Variants in DYRK1A observed in about 807,000 individuals in gnomAD.
The protein encoded by DYRK1A is dual specificity tyrosine-phosphorylation-regulated kinase 1A.
Under a neutral mutation model 79.7 loss-of-function variants are expected in DYRK1A, and 9 were observed. That is an observed-to-expected ratio of 0.11 (90% CI 0.07 to 0.20). The LOEUF is 0.20. DYRK1A is among the 10% of genes least tolerant of loss of function. The pLI is 1.00. For missense variants in DYRK1A, 622 were observed against 956.0 expected, an observed-to-expected ratio of 0.65 and a Z score of 4.61; for synonymous variants, 349 against 329.7, an observed-to-expected ratio of 1.06 and a Z score of -0.63.
chr21:37,440,057 G>C (rs1211179013), intron 2 of DYRK1A, among the ~76,000 whole-genome samples: 1 of 139,346 alleles, frequency 7.2e-6, no homozygotes, highest in Non-Finnish European at 1.6e-5. Flanking sequence ...ATTGATTTCT[G>C]TTTTTCTGTT....
rs1265719325 is a variant in DYRK1A, at chr21:37,505,601, T to TGCGGTTA, written c.1519+14_1519+20dup. The TGCGGTTA allele has an allele frequency of 1.9e-6, 3 of 1,577,484 alleles. No individual in the cohort carries two copies. The highest frequency in any genetic ancestry group is 2.6e-6 in the Non-Finnish European group (3 of 1,165,738). ...ATCGTCAAGCTCAGGTCTGTGCTGC[T>TGCGGTTA]GCGGTTAGATTAGGCTTGGGAATGT... On this transcript the variant is annotated intron_variant, in intron 10 of 11. Coordinates refer to ENST00000647188, the MANE Select transcript of DYRK1A (RefSeq NM_001347721.2).
chr21:37,486,886 G>T (rs117069971), intron 6 of DYRK1A: 1 of 246,284 alleles, frequency 4.1e-6, no homozygotes, highest in Non-Finnish European at 7.7e-6. Flanking sequence ...GGTACCATTT[G>T]TTTGCTAATA....
intron 1 of DYRK1A, among the ~76,000 whole-genome samples, chr21:37,390,797 T>C (rs1000528298): frequency 6.6e-6 from 1 of 152,154 alleles, no homozygotes; most frequent in East Asian, 1.9e-4. Flanking sequence ...TTCGAACTCC[T>C]GAGCTCAGGC....
intron 2 of DYRK1A, among the ~76,000 whole-genome samples, chr21:37,451,894 A>T (rs2051464864): frequency 6.6e-6 from 1 of 152,082 alleles, no homozygotes; most frequent in African/African-American, 2.4e-5. Flanking sequence ...TGAGTTGAAG[A>T]CTTCTAGGAG....
intron 1 of DYRK1A, among the ~76,000 whole-genome samples, chr21:37,410,362 A>G (rs2050221082): frequency 6.6e-6 from 1 of 152,214 alleles, no homozygotes; most frequent in South Asian, 2.1e-4. Context: ...GTATAGAGGA[A>G]TTTAGGAGAT....
chr21:37,374,714 G>A (rs1227904202), intron 1 of DYRK1A, among the ~76,000 whole-genome samples: 1 of 152,004 alleles, frequency 6.6e-6, no homozygotes, highest in Admixed American at 6.6e-5. Flanking sequence ...CACCACGCCT[G>A]GCTAATTTTT....
intron 1 of DYRK1A, among the ~76,000 whole-genome samples, chr21:37,387,724 G>T (rs2049788027): frequency 6.6e-6 from 1 of 152,138 alleles, no homozygotes. Context: ...AATACTTCCT[G>T]AGAAAAGGGT....
At chr21:37,414,383 A>G (rs950851158) in intron 1 of DYRK1A, among the ~76,000 whole-genome samples, 1 of 151,916 alleles carries the variant, frequency 6.6e-6, no homozygotes, top group Non-Finnish European at 1.5e-5. Context: ...GTTTCACTTC[A>G]CCTCTCTGTG....
At chr21:37,365,855 G>A (rs535252942), upstream of DYRK1A, 3 of 152,602 alleles carry the variant, frequency 2.0e-5, no homozygotes, top group East Asian at 1.9e-4. Flanking sequence ...GTTGGAAGCA[G>A]ATGGGCAGGC....
rs554674676 is a variant in DYRK1A, at chr21:37,521,174, A to G, written c.*8643A>G. On this transcript the variant is annotated 3_prime_UTR_variant, in exon 12 of 12. Transcript: ENST00000647188. ...CTCCCCAGCTCGGTTTTGTTTGCGT[A>G]TTAGAGTTCTGACCATCTTCACTAG... is the stretch of plus-strand genomic sequence containing the variant. The G allele has an allele frequency of 2.0e-5, 3 of 152,334 alleles. No individual in the cohort carries two copies. The East Asian group carries it at 5.8e-4, about 29-fold the overall frequency. The allele number at this position is 152,334 out of a possible 1,614,324, so 9.4% of individuals were successfully genotyped here.
At position 37,476,159 on chromosome 21, in the gene DYRK1A, G is replaced by A. The variant is rs193237798; in HGVS notation, c.208-2049G>A. 2.6e-4 allele frequency among the ~76,000 whole-genome samples: 40 copies of A among 152,194 alleles called. No individual in the cohort carries two copies. In the East Asian group the frequency reaches 5.8e-3, roughly 22 times the overall value. Reference sequence around the variant, plus strand: ...AGTAGCTGCACTACGATAATATTTCGGACCACCCGGATGGTGATTTTCCTG... The same window carrying A: ...AGTAGCTGCACTACGATAATATTTCAGACCACCCGGATGGTGATTTTCCTG... On this transcript the variant is annotated intron_variant, in intron 3 of 11. Coordinates refer to ENST00000647188, the MANE Select transcript of DYRK1A (RefSeq NM_001347721.2).
chr21:37,447,805 C>G (rs1248159614), intron 2 of DYRK1A, among the ~76,000 whole-genome samples: 1 of 152,094 alleles, frequency 6.6e-6, no homozygotes, highest in Non-Finnish European at 1.5e-5. Flanking sequence ...GATCACTGTG[C>G]TAAGTCAGGA....
intron 2 of DYRK1A, among the ~76,000 whole-genome samples, chr21:37,451,368 C>CTT: frequency 1.3e-5 from 2 of 149,308 alleles, no homozygotes; most frequent in Non-Finnish European, 3.0e-5. Context: ...ATCCCTCCCT[C>CTT]CCTCCATCCC....
intron 2 of DYRK1A, among the ~76,000 whole-genome samples, chr21:37,453,257 G>GT (rs1194949714): frequency 1.3e-5 from 2 of 152,096 alleles, no homozygotes; most frequent in East Asian, 3.8e-4. Flanking sequence ...CCTTAATCTT[G>GT]TTTTTTCCAT....
chr21:37,497,149 AG>A (rs1384242567), intron 9 of DYRK1A, among the ~76,000 whole-genome samples: 1 of 58 alleles, frequency 0.017, no homozygotes, highest in African/African-American at 0.1. Context: ...CTTGTATTTT[AG>A]CGGACGCTGC....
intron 1 of DYRK1A, among the ~76,000 whole-genome samples, chr21:37,408,167 A>C (rs2050182367): frequency 6.6e-6 from 1 of 152,228 alleles, no homozygotes; most frequent in Non-Finnish European, 1.5e-5. Flanking sequence ...CAGTCATGGT[A>C]TGTTTGTAAG....
chr21:37,400,627 C>G (rs1425705949), intron 1 of DYRK1A, among the ~76,000 whole-genome samples: 11 of 152,170 alleles, frequency 7.2e-5, no homozygotes, highest in Non-Finnish European at 1.3e-4. Flanking sequence ...AGCGACTTTT[C>G]TCTAAATAAT....
At chr21:37,429,924 T>G (rs566877791) in intron 2 of DYRK1A, among the ~76,000 whole-genome samples, 1 of 152,252 alleles carries the variant, frequency 6.6e-6, no homozygotes, top group Non-Finnish European at 1.5e-5. Flanking sequence ...TTTAATACAT[T>G]AGTATGTTTG....
intron 2 of DYRK1A, among the ~76,000 whole-genome samples, chr21:37,422,117 C>G (rs2050492345): frequency 6.6e-6 from 1 of 152,050 alleles, no homozygotes; most frequent in Admixed American, 6.6e-5. Context: ...CAAGAAAATT[C>G]TACAGATTAG....
Sources: gnomAD v4.1 joint callset for allele counts (sites outside exome capture counted in the v4.1 genomes callset) on GRCh38, gnomAD v4.1.1 for gene constraint, MANE v1.5 for transcripts, NCBI Gene and HGNC (gene_info 2026-07-23, HGNC 2026-07-21) for gene names.